The following ANKRD33B variants were observed in gnomAD, a reference collection of about 807,000 sequenced individuals.
ANKRD33B encodes ankyrin repeat domain-containing protein 33B.
Under a neutral mutation model 21.5 loss-of-function variants are expected in ANKRD33B, and 6 were observed. The ratio of observed to expected loss-of-function variants is 0.28; its 90% CI spans 0.15 to 0.55. The LOEUF is 0.55. Ranked by LOEUF, ANKRD33B falls within the 20% of genes least tolerant of loss-of-function variation. The pLI is 0.94. For synonymous variants in ANKRD33B, 347 were observed against 342.4 expected, an observed-to-expected ratio of 1.01 and a Z score of -0.15; for missense variants, 698 against 747.2, an observed-to-expected ratio of 0.93 and a Z score of 0.77.
Position 10,619,788 on chromosome 5 carries a change from T to C in ANKRD33B, c.496+1326T>C, listed in dbSNP as rs116343179. On this transcript the variant is annotated intron_variant, in intron 2 of 3. Transcript: ENST00000296657. This position sits in a 1 kb window ranked among gnomAD's most constrained non-coding sequence, Gnocchi z 4.5. The stretch of plus-strand genomic sequence containing the variant: ...CAGCTGCCATGTCAGGGACCAAGGA[T>C]ACAGAAGTGCAGGGCAGCCCCGTCC... Among the ~76,000 whole-genome samples, 740 of 152,276 alleles carry C rather than the reference T, an allele frequency of 4.9e-3. 9 individuals are homozygous for C. Among genetic ancestry groups the C allele is most frequent in the African/African-American group, 0.017 (713 of 41,552 alleles).
In ANKRD33B at chr5:10,607,930, A is replaced by G. The variant is rs183956361; in HGVS notation, c.367-10403A>G. Among the ~76,000 whole-genome samples, 8 of 152,262 alleles carry G rather than the reference A, an allele frequency of 5.3e-5. 1 individual carries two copies. Among genetic ancestry groups the G allele is most frequent in the African/African-American group, 1.9e-4 (8 of 41,540 alleles). Reference sequence around the variant, plus strand: ...ACAAATGCCTATTCCTGGCAGCCTGAGCATGTCGTCTTAGGCGTCCTCTCG... The same window carrying G: ...ACAAATGCCTATTCCTGGCAGCCTGGGCATGTCGTCTTAGGCGTCCTCTCG... On this transcript the variant is annotated intron_variant, in intron 1 of 3. Transcript: ENST00000296657.
chr5:10,616,045 G>T (rs1736276526), intron 1 of ANKRD33B, among the ~76,000 whole-genome samples: 1 of 152,206 alleles, frequency 6.6e-6, no homozygotes. Flanking sequence ...ATTTCAAAGG[G>T]TGCTTAAGCT....
At chr5:10,584,416 C>T (rs1223151788) in intron 1 of ANKRD33B, among the ~76,000 whole-genome samples, 4 of 151,960 alleles carry the variant, frequency 2.6e-5, no homozygotes, top group African/African-American at 9.7e-5. Context: ...TGTGGGGGTA[C>T]ATGCCTATAG....
rs1406171706 is a variant in ANKRD33B at position 10,649,368 on chromosome 5, T to C, written c.740T>C (p.Leu247Pro). The part of the protein sequence containing the change: ...VDAVRLMQRL[L>P]ERPCPEQFWE... ...GCCGTCCGTCTCATGCAGAGGCTGC[T>C]GGAGCGCCCCTGCCCGGAGCAGTTC... The change falls in exon 4 of 4, where the codon CTG becomes CCG. Residue 247 changes from leucine (L) to proline (P), a missense_variant. Coordinates refer to ENST00000296657, the MANE Select transcript of ANKRD33B (RefSeq NM_001164440.2). 3.3e-6 allele frequency: 5 copies of C among 1,535,384 alleles called. No homozygotes were observed. The East Asian group carries it at 7.3e-5, about 23-fold the overall frequency.
chr5:10,605,332 G>A (rs1203220762), intron 1 of ANKRD33B, among the ~76,000 whole-genome samples: 2 of 152,204 alleles, frequency 1.3e-5, no homozygotes, highest in African/African-American at 2.4e-5. Flanking sequence ...AGGAGGAAAC[G>A]AAGATCATTG....
chr5:10,630,551 T>C (rs902864024), intron 2 of ANKRD33B, among the ~76,000 whole-genome samples: 9 of 152,034 alleles, frequency 5.9e-5, no homozygotes. Flanking sequence ...TTCACTAAAA[T>C]CAACTTGCAA....
chr5:10,582,066 C>T lies in ANKRD33B; in HGVS notation c.366+17233C>T, dbSNP rs1257660813. Among the ~76,000 whole-genome samples the T allele has an allele frequency of 3.3e-5, 5 of 152,162 alleles. No individual in the cohort carries two copies. In the East Asian group the frequency reaches 9.6e-4, roughly 29 times the overall value. ...TCCTAAGAGTCATGTGTGCATTCAG[C>T]CTCATGTGCAGAGTTCCTCTTGCCA... On this transcript the variant is annotated intron_variant, in intron 1 of 3. Transcript: ENST00000296657.
chr5:10,624,126 T>C (rs572615816), intron 2 of ANKRD33B, among the ~76,000 whole-genome samples: 21 of 149,900 alleles, frequency 1.4e-4, no homozygotes, highest in Non-Finnish European at 2.8e-4. Context: ...TCTTTCTTTC[T>C]TTTCTTTTTT....
intron 2 of ANKRD33B, among the ~76,000 whole-genome samples, chr5:10,632,073 AG>A (rs573323358): frequency 1.0e-3 from 158 of 152,154 alleles, no homozygotes; most frequent in African/African-American, 3.7e-3. Flanking sequence ...TGTCATAGCC[AG>A]GACTCAGTTT....
intron 2 of ANKRD33B, among the ~76,000 whole-genome samples, chr5:10,628,712 A>G (rs989131933): frequency 1.3e-5 from 2 of 152,146 alleles, no homozygotes; most frequent in Non-Finnish European, 2.9e-5. Flanking sequence ...TCTAATGCAT[A>G]TTTATTGAGC....
intron 1 of ANKRD33B, among the ~76,000 whole-genome samples, chr5:10,601,596 C>T (rs901092471): frequency 3.3e-5 from 5 of 152,186 alleles, no homozygotes; most frequent in African/African-American, 7.2e-5. Context: ...GGGAGGGAGT[C>T]GCATTTCAGC....
chr5:10,609,360 C>T (rs1267489475), intron 1 of ANKRD33B, among the ~76,000 whole-genome samples: 1 of 151,908 alleles, frequency 6.6e-6, no homozygotes, highest in East Asian at 1.9e-4. Context: ...CGAGACCAGC[C>T]TCGGTAACAT....
At chr5:10,633,911 C>T (rs1736794557) in intron 2 of ANKRD33B, among the ~76,000 whole-genome samples, 1 of 152,164 alleles carries the variant, frequency 6.6e-6, no homozygotes, top group Non-Finnish European at 1.5e-5. Context: ...GTGAGGTTCT[C>T]TCCCTCCTCC....
chr5:10,625,460 GT>G (rs2126588707), intron 2 of ANKRD33B, among the ~76,000 whole-genome samples: 1 of 152,290 alleles, frequency 6.6e-6, no homozygotes, highest in Non-Finnish European at 1.5e-5. Flanking sequence ...TTGAGACTGT[GT>G]TTTTAGTGGT....
chr5:10,603,653 C>T (rs1735979176), intron 1 of ANKRD33B, among the ~76,000 whole-genome samples: 1 of 152,042 alleles, frequency 6.6e-6, no homozygotes, highest in African/African-American at 2.4e-5. Context: ...CTTTTTATAA[C>T]CTATTCAGAA....
chr5:10,606,255 GTT>G (rs1053917069), intron 1 of ANKRD33B, among the ~76,000 whole-genome samples: 1 of 152,198 alleles, frequency 6.6e-6, no homozygotes, highest in Non-Finnish European at 1.5e-5. Context: ...AAGGGAAATT[GTT>G]TTGAATTACT....
At position 10,653,466 on chromosome 5, in the gene ANKRD33B, T is replaced by G. The variant is rs1737406108; in HGVS notation, c.*3353T>G. On this transcript the variant is annotated 3_prime_UTR_variant, in exon 4 of 4. Transcript: ENST00000296657. Reference sequence around the variant, plus strand: ...CAGATGATGGGGAAACAGAGCCACCTTGAGGGGGTGTCATGGGGTCAGTGT... The same window carrying G: ...CAGATGATGGGGAAACAGAGCCACCGTGAGGGGGTGTCATGGGGTCAGTGT... The G allele has an allele frequency of 1.3e-5, 2 of 152,870 alleles. No individual in the cohort carries two copies. The highest frequency in any genetic ancestry group is 4.8e-5 in the African/African-American group (2 of 41,578). The allele number at this position is 152,870 out of a possible 1,614,324, so 9.5% of individuals were successfully genotyped here. A position where few individuals can be genotyped will look rare whatever the true frequency, so the allele number is the denominator to read the frequency against.
At chr5:10,590,848 TG>T (rs1285124220) in intron 1 of ANKRD33B, among the ~76,000 whole-genome samples, 2 of 152,122 alleles carry the variant, frequency 1.3e-5, no homozygotes, top group Admixed American at 6.5e-5. Context: ...GCCATGAGAA[TG>T]GAAGCTTATC....
chr5:10,587,133 G>T (rs1735583254), intron 1 of ANKRD33B, among the ~76,000 whole-genome samples: 1 of 152,114 alleles, frequency 6.6e-6, no homozygotes, highest in South Asian at 2.1e-4. Flanking sequence ...TCCCACCTCA[G>T]CCTCCCAAGT....
Sources: gnomAD v4.1 joint callset for allele counts (sites outside exome capture counted in the v4.1 genomes callset) on GRCh38, gnomAD v4.1.1 for gene constraint, Gnocchi (gnomAD v3.1) non-coding constraint, MANE v1.5 for transcripts, NCBI Gene and HGNC (gene_info 2026-07-23, HGNC 2026-07-21) for gene names.